The following FAF1 variants were observed in gnomAD, a reference collection of about 807,000 sequenced individuals.
FAF1 encodes Fas associated factor 1, also known as FAS-associated factor 1.
FAF1 carries 25 observed loss-of-function variants against 92.5 expected under a neutral mutation model. That is an observed-to-expected ratio of 0.27 (90% CI 0.20 to 0.38). The LOEUF is 0.38. FAF1 is among the 10% of genes least tolerant of loss of function. The pLI, the probability that FAF1 is intolerant of heterozygous loss-of-function variation, is 1.00. For missense variants in FAF1, 636 were observed against 793.3 expected, an observed-to-expected ratio of 0.80 and a Z score of 2.38; for synonymous variants, 234 against 273.2, an observed-to-expected ratio of 0.86 and a Z score of 1.42.
At chr1:50,781,614 A>C (rs1050975886) in intron 4 of FAF1, among the ~76,000 whole-genome samples, 2 of 152,174 alleles carry the variant, frequency 1.3e-5, no homozygotes, top group African/African-American at 4.8e-5. Flanking sequence ...CCAGATGATC[A>C]ATATGGAAAC....
chr1:50,959,242 T>C (rs547970161), intron 1 of FAF1, among the ~76,000 whole-genome samples: 6 of 152,298 alleles, frequency 3.9e-5, no homozygotes, highest in Non-Finnish European at 7.4e-5. Flanking sequence ...AGATTCCAAT[T>C]AGGCAAAGTC....
At chr1:50,714,994 TAA>T in intron 6 of FAF1, 3 of 425,894 alleles carry the variant, frequency 7.0e-6, no homozygotes, top group South Asian at 3.4e-5. Context: ...AGATATAAAG[TAA>T]AAAAAAACCT....
intron 8 of FAF1, among the ~76,000 whole-genome samples, chr1:50,614,818 C>T (rs113391958): frequency 4.2e-5 from 6 of 142,172 alleles, no homozygotes; most frequent in South Asian, 2.2e-4. Flanking sequence ...CAGCCTGGGC[C>T]GCAACAGCGA....
At chr1:50,453,387 C>G (rs1331514557) in intron 18 of FAF1, among the ~76,000 whole-genome samples, 1 of 152,172 alleles carries the variant, frequency 6.6e-6, no homozygotes, top group Non-Finnish European at 1.5e-5. Context: ...GGGCTTTGAA[C>G]AGGAGTTAAA....
At chr1:50,871,627 C>G (rs1159046356) in intron 1 of FAF1, among the ~76,000 whole-genome samples, 2 of 152,136 alleles carry the variant, frequency 1.3e-5, no homozygotes, top group Non-Finnish European at 2.9e-5. Context: ...ATATTTTAAC[C>G]CAGCTTCTGG....
chr1:50,670,199 G>A (rs968771834), intron 7 of FAF1, among the ~76,000 whole-genome samples: 3 of 151,862 alleles, frequency 2.0e-5, no homozygotes, highest in African/African-American at 4.8e-5. Flanking sequence ...TGGAGCAGCC[G>A]GGGGTGAGAT....
At chr1:50,580,088 T>G (rs1474600438) in intron 12 of FAF1, among the ~76,000 whole-genome samples, 1 of 152,116 alleles carries the variant, frequency 6.6e-6, no homozygotes, top group Non-Finnish European at 1.5e-5. Flanking sequence ...AAATATACAG[T>G]ATACCCTAAA....
At chr1:50,671,340 G>C (rs900471488) in intron 7 of FAF1, among the ~76,000 whole-genome samples, 2 of 151,738 alleles carry the variant, frequency 1.3e-5, no homozygotes, top group African/African-American at 4.8e-5. Context: ...GGGAGGTGGA[G>C]GTTACAGTGA....
chr1:50,659,361 G>C (rs1245416675), intron 7 of FAF1, among the ~76,000 whole-genome samples: 1 of 151,994 alleles, frequency 6.6e-6, no homozygotes, highest in African/African-American at 2.4e-5. Context: ...AAAGAAGAGA[G>C]GGAAGTGAGA....
rs555475979 is a variant in FAF1 at position 50,787,875 on chromosome 1, T to C, written c.367+125A>G. On this transcript the variant is annotated intron_variant, in intron 4 of 18. Coordinates refer to ENST00000396153, the MANE Select transcript of FAF1 (RefSeq NM_007051.3). ...AAGCATAATAATCAGTATTGGAAAG[T>C]TACCAGTTTCAACTTGCTTTTTTTC... 155 of 694,056 alleles carry C rather than the reference T, an allele frequency of 2.2e-4. 1 individual carries two copies. The South Asian group carries it at 2.7e-3, about 12-fold the overall frequency. The allele number at this position is 694,056 out of a possible 1,614,324, so 43.0% of individuals were successfully genotyped here. A position where few individuals can be genotyped will look rare whatever the true frequency, so the allele number is the denominator to read the frequency against.
chr1:50,525,136 T>C (rs1647726903), intron 15 of FAF1, among the ~76,000 whole-genome samples: 1 of 152,194 alleles, frequency 6.6e-6, no homozygotes, highest in East Asian at 1.9e-4. Context: ...TCCACCCGCC[T>C]CGGCCTCCCA....
chr1:50,677,872 G>A (rs1038198043), intron 7 of FAF1, among the ~76,000 whole-genome samples: 2 of 125,040 alleles, frequency 1.6e-5, no homozygotes, highest in African/African-American at 6.6e-5. Context: ...TCCAGTCTGC[G>A]CAACAAGAAC....
At chr1:50,850,577 G>A (rs933264272) in intron 2 of FAF1, among the ~76,000 whole-genome samples, 2 of 151,808 alleles carry the variant, frequency 1.3e-5, no homozygotes, top group Non-Finnish European at 2.9e-5. Flanking sequence ...ATTTAGATGA[G>A]CATAATATAA....
chr1:50,862,929 G>A (rs993535075), intron 1 of FAF1, among the ~76,000 whole-genome samples: 1 of 151,836 alleles, frequency 6.6e-6, no homozygotes, highest in Non-Finnish European at 1.5e-5. Context: ...AGTAATAGCA[G>A]GAGACTTCAA....
chr1:50,867,526 T>G (rs1267689218), intron 1 of FAF1, among the ~76,000 whole-genome samples: 1 of 151,938 alleles, frequency 6.6e-6, no homozygotes, highest in Non-Finnish European at 1.5e-5. Flanking sequence ...GCTAGGGACA[T>G]GAATAGACAA....
intron 2 of FAF1, among the ~76,000 whole-genome samples, chr1:50,857,606 A>G (rs1644399992): frequency 5.9e-5 from 9 of 151,824 alleles, no homozygotes; most frequent in Admixed American, 5.9e-4. Flanking sequence ...GAAACATCAA[A>G]TATGTTATTC....
chr1:50,839,390 T>C (rs188799416), intron 2 of FAF1, among the ~76,000 whole-genome samples: 1 of 152,316 alleles, frequency 6.6e-6, no homozygotes, highest in South Asian at 2.1e-4. Context: ...CTGGTATTAA[T>C]AGACTTTAGT....
chr1:50,527,811 GTCTCTCTCTC>G (rs9326017), intron 15 of FAF1, among the ~76,000 whole-genome samples: 69 of 75,318 alleles, frequency 9.2e-4, no homozygotes, highest in Admixed American at 1.3e-3. Context: ...TTACTCTGCT[GTCTCTCTCTC>G]TCTCTCTCTC....
intron 8 of FAF1, among the ~76,000 whole-genome samples, chr1:50,630,044 G>A (rs906948544): frequency 2.7e-5 from 4 of 149,734 alleles, no homozygotes; most frequent in Admixed American, 6.6e-5. Context: ...GCGACAGAGC[G>A]AGCCTCTGTC....
Sources: allele counts gnomAD v4.1 joint callset (sites outside exome capture counted in the v4.1 genomes callset), GRCh38; gene constraint gnomAD v4.1.1; transcripts MANE v1.5; gene names NCBI Gene and HGNC (gene_info 2026-07-23, HGNC 2026-07-21).